The following FRMD5 variants were observed in gnomAD, a reference collection of about 807,000 sequenced individuals.
FRMD5 encodes FERM domain containing 5, also known as FERM domain-containing protein 5.
FRMD5 carries 20 observed loss-of-function variants against 69.0 expected under a neutral mutation model. That is an observed-to-expected ratio of 0.29 (90% confidence interval 0.20 to 0.42). The LOEUF is 0.42. FRMD5 is among the 10% of genes least tolerant of loss of function. The pLI, the probability that FRMD5 is intolerant of heterozygous loss-of-function variation, is 1.00. For synonymous variants in FRMD5, 271 were observed against 260.1 expected (o/e 1.04, Z -0.40); for missense variants, 595 against 708.6 (o/e 0.84, Z 1.82).
In FRMD5 at chr15:43,902,191, T is replaced by A; in HGVS notation, c.623A>T (p.Asp208Val). 6.2e-7 allele frequency: 1 copy of A among 1,613,660 alleles called. No individual in the cohort carries two copies. Among genetic ancestry groups the A allele is most frequent in the Non-Finnish European group, 8.5e-7 (1 of 1,179,576 alleles). The change falls in exon 7 of 14, where the codon GAT becomes GTT. Residue 208 changes from aspartate (D) to valine (V), a missense_variant. Coordinates refer to ENST00000417257, the MANE Select transcript of FRMD5 (RefSeq NM_032892.5). ...KAQTLETYGV[D>V]PHPCKDVSGN... ...GGGTCTTACCTTACATGGGTGAGGA[T>A]CCACTCCATATGTTTCCAATGTCTG...
At chr15:44,113,645 T>A (rs1022499175) in intron 1 of FRMD5, among the ~76,000 whole-genome samples, 26 of 152,126 alleles carry the variant, frequency 1.7e-4, no homozygotes, top group Non-Finnish European at 2.8e-4. Context: ...AAATACTAGG[T>A]CTTATTCATT....
intron 1 of FRMD5, among the ~76,000 whole-genome samples, chr15:44,157,677 G>C (rs2077549631): frequency 6.6e-6 from 1 of 152,084 alleles, no homozygotes; most frequent in Non-Finnish European, 1.5e-5. Context: ...GTATGCAAAT[G>C]TACAATCTGA....
At chr15:44,109,341 T>C (rs1295481132) in intron 1 of FRMD5, among the ~76,000 whole-genome samples, 1 of 152,202 alleles carries the variant, frequency 6.6e-6, no homozygotes, top group African/African-American at 2.4e-5. Flanking sequence ...GAAAGACATT[T>C]CCACTGGTTA....
intron 1 of FRMD5, among the ~76,000 whole-genome samples, chr15:44,144,355 T>C (rs1566969359): frequency 6.6e-6 from 1 of 152,222 alleles, no homozygotes; most frequent in Non-Finnish European, 1.5e-5. Flanking sequence ...GTGGTCTGAA[T>C]GTTCCCTCTT....
At chr15:44,054,849 A>C (rs1257324612) in intron 1 of FRMD5, among the ~76,000 whole-genome samples, 1 of 152,070 alleles carries the variant, frequency 6.6e-6, no homozygotes, top group Non-Finnish European at 1.5e-5. Flanking sequence ...AGGCGGGCAC[A>C]TCACGAGGTC....
At position 43,940,853 on chromosome 15, in the gene FRMD5, C is replaced by G. The variant is rs137917816; in HGVS notation, c.103-16544G>C. On this transcript the variant is annotated intron_variant, in intron 1 of 13. Transcript: ENST00000417257. ...ACAGGTTGAAAAGCTATCTTTAAAT[C>G]GAGTATTATCACAATGACTTTGGTG... 3.3e-5 allele frequency among the ~76,000 whole-genome samples: 5 copies of G among 152,198 alleles called. No individual in the cohort carries two copies. In the East Asian group the frequency reaches 9.7e-4, roughly 29 times the overall value.
At chr15:44,064,615 T>A (rs1893234653) in intron 1 of FRMD5, among the ~76,000 whole-genome samples, 1 of 151,844 alleles carries the variant, frequency 6.6e-6, no homozygotes, top group Non-Finnish European at 1.5e-5. Flanking sequence ...ACAAAACACA[T>A]TGCCTCTACC....
rs147244518 is a variant in FRMD5, at chr15:44,124,383, T to C, written c.102+70570A>G. 7.4e-3 allele frequency among the ~76,000 whole-genome samples: 1,117 copies of C among 150,208 alleles called. 10 individuals are homozygous for C. Among genetic ancestry groups the C allele is most frequent in the African/African-American group, 0.026 (1,067 of 40,774 alleles). On this transcript the variant is annotated intron_variant, in intron 1 of 13. Transcript: ENST00000417257. ...TAAAAGAAGGAAGGAAAAAAAGAGG[T>C]AGGAAGGAAGAAGAAAGAAGAAAAA...
intron 4 of FRMD5, among the ~76,000 whole-genome samples, chr15:43,914,539 C>T (rs2089348061): frequency 6.6e-6 from 1 of 152,116 alleles, no homozygotes; most frequent in South Asian, 2.1e-4. Context: ...GTGCCAGGCA[C>T]TGTCACAGGT....
intron 1 of FRMD5, among the ~76,000 whole-genome samples, chr15:43,965,737 A>G (rs1170296176): frequency 1.3e-5 from 2 of 151,888 alleles, no homozygotes; most frequent in African/African-American, 4.8e-5. Context: ...ATGCACCACC[A>G]CACCCAGCTA....
intron 1 of FRMD5, among the ~76,000 whole-genome samples, chr15:44,089,028 T>C (rs971223876): frequency 6.6e-6 from 1 of 152,228 alleles, no homozygotes; most frequent in African/African-American, 2.4e-5. Flanking sequence ...TAAACTTTCA[T>C]ATTTATTCTC....
chr15:44,158,753 T>C (rs2077565775), intron 1 of FRMD5, among the ~76,000 whole-genome samples: 2 of 152,216 alleles, frequency 1.3e-5, no homozygotes, highest in South Asian at 4.1e-4. Flanking sequence ...TAGCATGTGA[T>C]CAAGAGCTAA....
At chr15:43,993,194 T>C (rs1347278060) in intron 1 of FRMD5, among the ~76,000 whole-genome samples, 1 of 152,140 alleles carries the variant, frequency 6.6e-6, no homozygotes, top group Non-Finnish European at 1.5e-5. Context: ...AATAGTTTTT[T>C]TGTTTTGTTT....
At chr15:44,036,797 G>A (rs1322001137) in intron 1 of FRMD5, among the ~76,000 whole-genome samples, 1 of 152,100 alleles carries the variant, frequency 6.6e-6, no homozygotes, top group Non-Finnish European at 1.5e-5. Context: ...TCAGTACAGT[G>A]GTAAAGAAGC....
At chr15:44,042,034 G>C (rs186334511) in intron 1 of FRMD5, among the ~76,000 whole-genome samples, 1 of 152,194 alleles carries the variant, frequency 6.6e-6, no homozygotes, top group East Asian at 1.9e-4. Flanking sequence ...TAGACTACTA[G>C]CCAGACTAAT....
rs577508798 is a variant in FRMD5 at position 44,112,388 on chromosome 15, C to A, written c.102+82565G>T. ...GTGTACTATTTTAAAACTCATAATT[C>A]AATCTTTCTAATTTTTAAAAAATAC... On this transcript the variant is annotated intron_variant, in intron 1 of 13. Coordinates refer to ENST00000417257, the MANE Select transcript of FRMD5 (RefSeq NM_032892.5). Among the ~76,000 whole-genome samples, 33 of 151,768 alleles carry A rather than the reference C, an allele frequency of 2.2e-4. 1 individual carries two copies. Among genetic ancestry groups the A allele is most frequent in the African/African-American group, 7.7e-4 (32 of 41,366 alleles).
At position 44,172,414 on chromosome 15, in the gene FRMD5, A is replaced by C. The variant is rs146123049; in HGVS notation, c.102+22539T>G. On this transcript the variant is annotated intron_variant, in intron 1 of 13. Coordinates refer to ENST00000417257, the MANE Select transcript of FRMD5 (RefSeq NM_032892.5). ...GGTTCAGGTGTGAGCCACCATACCC[A>C]GCCCATTTTTATTTCAGAAAACATA... Among the ~76,000 whole-genome samples the C allele has an allele frequency of 3.1e-3, 477 of 152,028 alleles. 3 individuals carry two copies. The highest frequency in any genetic ancestry group is 0.011 in the African/African-American group (446 of 41,450).
intron 1 of FRMD5, among the ~76,000 whole-genome samples, chr15:43,979,795 T>C (rs2090520449): frequency 6.6e-6 from 1 of 152,098 alleles, no homozygotes; most frequent in Non-Finnish European, 1.5e-5. Flanking sequence ...TCTTCACAAA[T>C]GATAGAAAAG....
At chr15:44,112,863 G>A (rs1045812259) in intron 1 of FRMD5, among the ~76,000 whole-genome samples, 6 of 151,764 alleles carry the variant, frequency 4.0e-5, no homozygotes, top group African/African-American at 9.7e-5. Context: ...CCAAAGTGCT[G>A]GGACTACAGG....
Sources: gnomAD v4.1 joint callset for allele counts (sites outside exome capture counted in the v4.1 genomes callset) on GRCh38, gnomAD v4.1.1 for gene constraint, MANE v1.5 for transcripts, NCBI Gene and HGNC (gene_info 2026-07-23, HGNC 2026-07-21) for gene names.